The following SUMO3 variants were observed in gnomAD, a reference collection of about 807,000 sequenced individuals.
SUMO3 encodes small ubiquitin like modifier 3.
In SUMO3, 2 loss-of-function variants were observed where a neutral mutation model predicts 11.1. The ratio of observed to expected loss-of-function variants is 0.18; its 90% CI spans 0.07 to 0.57. The LOEUF is 0.57. Ranked by LOEUF, SUMO3 falls within the 20% of genes least tolerant of loss-of-function variation. The pLI, the probability that SUMO3 is intolerant of heterozygous loss-of-function variation, is 0.92. For synonymous variants in SUMO3, 56 were observed against 53.5 expected, an observed-to-expected ratio of 1.05 and a Z score of -0.20; for missense variants, 70 against 132.8, an observed-to-expected ratio of 0.53 and a Z score of 2.32.
chr21:44,816,009 C>T (rs2083242019), intron 1 of SUMO3, among the ~76,000 whole-genome samples: 1 of 152,186 alleles, frequency 6.6e-6, no homozygotes, highest in Admixed American at 6.5e-5. Context: ...TCTTCCCCTT[C>T]GTCAGAGCCC....
chr21:44,810,858 AGAG>A lies in SUMO3; in HGVS notation c.151-1743_151-1741del, dbSNP rs141195217. 0.1 allele frequency among the ~76,000 whole-genome samples: 15,700 copies of A among 152,090 alleles called. 1,095 individuals carry two copies. The highest frequency in any genetic ancestry group is 0.21 in the Middle Eastern group (63 of 294). ...AGCCTAGAGAGGAGGGGAGGAGCGC[AGAG>A]GAGAACGGACAGGAAGGAGGCAGGA... On this transcript the variant is annotated intron_variant, in intron 2 of 3. Transcript: ENST00000332859. The surrounding 1 kb of genome is among the most constrained non-coding windows in gnomAD (Gnocchi z 4.1).
At chr21:44,814,189 G>A in intron 1 of SUMO3, 85 bp from the exon 2 acceptor site, 1 of 1,545,762 alleles carries the variant, frequency 6.5e-7, no homozygotes, top group Admixed American at 1.8e-5. Flanking sequence ...GTAATTGTTG[G>A]CTTTTTAAAG....
In SUMO3 at chr21:44,811,218, CCTA is replaced by C. The variant is rs1290528595; in HGVS notation, c.151-2103_151-2101del. ...GACACGGACATACACACCACACACACCTACACTCACGATTCAAATTCTATGGGA... is the reference window on the plus strand; with the variant it reads ...GACACGGACATACACACCACACACACCACTCACGATTCAAATTCTATGGGA... On this transcript the variant is annotated intron_variant, in intron 2 of 3. Coordinates refer to ENST00000332859, the MANE Select transcript of SUMO3 (RefSeq NM_006936.3). This position sits in a 1 kb window ranked among gnomAD's most constrained non-coding sequence, Gnocchi z 5.0. 6.6e-6 allele frequency among the ~76,000 whole-genome samples: 1 copy of C among 151,964 alleles called. No individual in the cohort carries two copies. The highest frequency in any genetic ancestry group is 2.4e-5 in the African/African-American group (1 of 41,352).
At chr21:44,817,885 G>GGGCGCGCCGCCGAGCGC (rs2083258103) in intron 1 of SUMO3, 63 bp downstream of exon 1, 1 of 992,840 alleles carries the variant, frequency 1.0e-6, no homozygotes, top group African/African-American at 1.7e-5. Flanking sequence ...GGTGGGGGCG[G>GGGCGCGCCGCCGAGCGC]AGCCGGGCTG....
chr21:44,812,980 C>T (rs2083221285), intron 2 of SUMO3, among the ~76,000 whole-genome samples: 1 of 152,224 alleles, frequency 6.6e-6, no homozygotes, highest in African/African-American at 2.4e-5. Context: ...TCTGGAAGCT[C>T]AGTCTCACCT....
At position 44,810,817 on chromosome 21, in the gene SUMO3, A is replaced by G. The variant is rs983042134; in HGVS notation, c.151-1699T>C. 6.6e-6 allele frequency among the ~76,000 whole-genome samples: 1 copy of G among 152,084 alleles called. No homozygotes were observed. The highest frequency in any genetic ancestry group is 6.6e-5 in the Admixed American group (1 of 15,256). ...AGCCTGCGTGAGAGCAGTCAGGGAA[A>G]GGCTCACTGTGCAGCAGCCTAGAGA... On this transcript the variant is annotated intron_variant, in intron 2 of 3. Transcript: ENST00000332859. This position sits in a 1 kb window ranked among gnomAD's most constrained non-coding sequence, Gnocchi z 4.1.
Position 44,806,923 on chromosome 21 carries a change from T to C in SUMO3, c.*28A>G, listed in dbSNP as rs765658154. ...TCACCATTCAACAGCAATGCGAGGATGGACGGCCCGGGCTGGGGACGGGCC... is the reference window on the plus strand; with the variant it reads ...TCACCATTCAACAGCAATGCGAGGACGGACGGCCCGGGCTGGGGACGGGCC... On this transcript the variant is annotated 3_prime_UTR_variant, in exon 4 of 4. Transcript: ENST00000332859. 1.2e-6 allele frequency: 2 copies of C among 1,613,830 alleles called. No individual in the cohort carries two copies. The highest frequency in any genetic ancestry group is 2.7e-5 in the African/African-American group (2 of 74,916).
intron 2 of SUMO3, among the ~76,000 whole-genome samples, chr21:44,812,538 C>T (rs1601215569): frequency 1.3e-5 from 2 of 152,202 alleles, no homozygotes. Flanking sequence ...GTCTCAAAGA[C>T]GCTGCCCTTC....
rs2083206452 is a variant in SUMO3 at position 44,810,958 on chromosome 21, ACACATGCACACCCATGCACACACCCATG to A, written c.151-1868_151-1841del. The stretch of plus-strand genomic sequence containing the variant: ...CACACCCACACACATGCACACACCC[ACACATGCACACCCATGCACACACCCATG>A]CACACACCCACACATGCACACACCC... On this transcript the variant is annotated intron_variant, in intron 2 of 3. Coordinates refer to ENST00000332859, the MANE Select transcript of SUMO3 (RefSeq NM_006936.3). This position sits in a 1 kb window ranked among gnomAD's most constrained non-coding sequence, Gnocchi z 4.1. Among the ~76,000 whole-genome samples, 1 of 150,982 alleles carries A rather than the reference ACACATGCACACCCATGCACACACCCATG, an allele frequency of 6.6e-6. No individual in the cohort carries two copies. The highest frequency in any genetic ancestry group is 1.5e-5 in the Non-Finnish European group (1 of 67,798).
At chr21:44,814,606 A>G (rs1238147607) in intron 1 of SUMO3, among the ~76,000 whole-genome samples, 1 of 152,212 alleles carries the variant, frequency 6.6e-6, no homozygotes, top group East Asian at 1.9e-4. Flanking sequence ...AGCACTAGTA[A>G]AAGAAACCAA....
At chr21:44,814,247 A>G in intron 1 of SUMO3, 143 bp from the exon 2 acceptor site, 3 of 1,112,498 alleles carry the variant, frequency 2.7e-6, no homozygotes, top group Non-Finnish European at 2.5e-6. Context: ...ATTCAGAGTC[A>G]CTCGTGATGG....
In SUMO3 at chr21:44,814,024, C is replaced by G; in HGVS notation, c.102G>C (p.Lys34Asn). Residue 34 changes from lysine (K) to asparagine (N), a missense_variant, in exon 2 of 4, where the codon AAG becomes AAC. Transcript: ENST00000332859. ...QDGSVVQFKI[K>N]RHTPLSKLMK... The stretch of plus-strand genomic sequence containing the variant: ...TCAGCTTGCTCAGCGGCGTGTGCCT[C>G]TTGATCTTGAACTGCACCACGGAGC... 1 of 1,613,686 alleles carries G rather than the reference C, an allele frequency of 6.2e-7. No individual in the cohort carries two copies. Among genetic ancestry groups the G allele is most frequent in the Non-Finnish European group, 8.5e-7 (1 of 1,180,028 alleles).
rs370649492 is a variant in SUMO3 at position 44,811,099 on chromosome 21, T to C, written c.151-1981A>G. 0.01 allele frequency among the ~76,000 whole-genome samples: 993 copies of C among 98,666 alleles called. 4 individuals carry two copies. The highest frequency in any genetic ancestry group is 0.021 in the South Asian group (64 of 3,060). 64.7% of individuals were successfully genotyped at this position (98,666 alleles called of 152,430 possible). The stretch of plus-strand genomic sequence containing the variant: ...GAATGCACACATGCACACACCCACA[T>C]ACACACACATGCACACACCCACATA... On this transcript the variant is annotated intron_variant, in intron 2 of 3. Transcript: ENST00000332859. This position sits in a 1 kb window ranked among gnomAD's most constrained non-coding sequence, Gnocchi z 5.0.
chr21:44,816,666 T>C (rs9306117), intron 1 of SUMO3, among the ~76,000 whole-genome samples: 3,685 of 152,156 alleles, frequency 0.024, 90 homozygotes, highest in African/African-American at 0.063. Flanking sequence ...CACTGGAGAA[T>C]GCGACTACAG....
rs1343298606 is a variant in SUMO3, at chr21:44,810,989, CACACCCACACATGCACACACCCACAT to C, written c.151-1897_151-1872del. The stretch of plus-strand genomic sequence containing the variant: ...GCACACCCATGCACACACCCATGCA[CACACCCACACATGCACACACCCACAT>C]ATGCACACACGCACACACCCACATA... On this transcript the variant is annotated intron_variant, in intron 2 of 3. Transcript: ENST00000332859. This position sits in a 1 kb window ranked among gnomAD's most constrained non-coding sequence, Gnocchi z 4.1. Among the ~76,000 whole-genome samples, 13 of 148,174 alleles carry C rather than the reference CACACCCACACATGCACACACCCACAT, an allele frequency of 8.8e-5. No homozygotes were observed. The highest frequency in any genetic ancestry group is 4.6e-4 in the Admixed American group (7 of 15,074).
At chr21:44,815,156 T>G (rs2083236143) in intron 1 of SUMO3, among the ~76,000 whole-genome samples, 1 of 152,204 alleles carries the variant, frequency 6.6e-6, no homozygotes, top group Non-Finnish European at 1.5e-5. Flanking sequence ...TCTCCACTTC[T>G]CCTTTCCTTC....
At position 44,815,278 on chromosome 21, in the gene SUMO3, G is replaced by T. The variant is rs373524329; in HGVS notation, c.22-1174C>A. ...ACTGCACCCATGCTTGCTTCCCTGGGGTATGCACCCTGGGGAGACCCTGGG... is the reference window on the plus strand; with the variant it reads ...ACTGCACCCATGCTTGCTTCCCTGGTGTATGCACCCTGGGGAGACCCTGGG... On this transcript the variant is annotated intron_variant, in intron 1 of 3. Transcript: ENST00000332859. Among the ~76,000 whole-genome samples the T allele has an allele frequency of 1.0e-3, 152 of 152,294 alleles. 1 individual carries two copies. The highest frequency in any genetic ancestry group is 4.6e-3 in the South Asian group (22 of 4,828).
chr21:44,808,381 TG>T, intron 3 of SUMO3: 1 of 629,830 alleles, frequency 1.6e-6, no homozygotes. Flanking sequence ...GGAGTGGTGG[TG>T]GGCACCTATA....
rs1167560905 is a variant in SUMO3, at chr21:44,810,443, T to A, written c.151-1325A>T. ...CTGAACAGCTGCCTGGAAGTTCACA[T>A]GCAGACCCCTCAGGCAGGACCCCCA... is the stretch of plus-strand genomic sequence containing the variant. On this transcript the variant is annotated intron_variant, in intron 2 of 3. Coordinates refer to ENST00000332859, the MANE Select transcript of SUMO3 (RefSeq NM_006936.3). This position sits in a 1 kb window ranked among gnomAD's most constrained non-coding sequence, Gnocchi z 4.1. Among the ~76,000 whole-genome samples, 1 of 152,120 alleles carries A rather than the reference T, an allele frequency of 6.6e-6. No homozygotes were observed. Among genetic ancestry groups the A allele is most frequent in the Admixed American group, 6.5e-5 (1 of 15,280 alleles).
Sources: gnomAD v4.1 joint callset for allele counts (sites outside exome capture counted in the v4.1 genomes callset) on GRCh38, gnomAD v4.1.1 for gene constraint, Gnocchi (gnomAD v3.1) non-coding constraint, MANE v1.5 for transcripts, NCBI Gene and HGNC (gene_info 2026-07-23, HGNC 2026-07-21) for gene names.